The following CFDP1 variants were observed in gnomAD, a reference collection of about 807,000 sequenced individuals.
CFDP1 encodes heterochromatin-stabilizing protein CFDP1.
A neutral mutation model predicts 40.1 loss-of-function variants in CFDP1; 31 were observed. That is an observed-to-expected ratio of 0.77 (90% CI 0.58 to 1.04). CFDP1 has a LOEUF of 1.04. Ranked by LOEUF, CFDP1 falls within the 50% of genes least tolerant of loss-of-function variation. The probability of loss-of-function intolerance (pLI) is 0.00; values close to 1 mark genes in which losing one functional copy is unlikely to be tolerated. For missense variants in CFDP1, 423 were observed against 343.4 expected, an observed-to-expected ratio of 1.23 and a Z score of -1.83; for synonymous variants, 167 against 120.0, an observed-to-expected ratio of 1.39 and a Z score of -2.56.
At chr16:75,429,818 G>C (rs2079388446) in intron 1 of CFDP1, among the ~76,000 whole-genome samples, 1 of 152,196 alleles carries the variant, frequency 6.6e-6, no homozygotes, top group Admixed American at 6.5e-5. Context: ...CAAATTAGCA[G>C]TGTCGACGAA....
At chr16:75,318,475 G>A (rs1395559996) in intron 5 of CFDP1, among the ~76,000 whole-genome samples, 1 of 148,680 alleles carries the variant, frequency 6.7e-6, no homozygotes, top group Non-Finnish European at 1.5e-5. Flanking sequence ...GCACAGTCTC[G>A]GCTCACTGCA....
chr16:75,385,620 G>C (rs1459704904), intron 5 of CFDP1, among the ~76,000 whole-genome samples: 2 of 152,042 alleles, frequency 1.3e-5, no homozygotes, highest in African/African-American at 4.8e-5. Context: ...AATCTAATAA[G>C]GCAAAGAAAA....
intron 4 of CFDP1, among the ~76,000 whole-genome samples, chr16:75,404,822 A>G (rs765878753): frequency 1.3e-5 from 2 of 152,158 alleles, no homozygotes; most frequent in Non-Finnish European, 2.9e-5. Context: ...CAAAAGACCA[A>G]TTATGGTTTT....
At chr16:75,320,577 C>G (rs2078355787) in intron 5 of CFDP1, among the ~76,000 whole-genome samples, 1 of 152,216 alleles carries the variant, frequency 6.6e-6, no homozygotes, top group Admixed American at 6.5e-5. Flanking sequence ...GAGAGCAAGG[C>G]CTCTGACCCA....
intron 4 of CFDP1, among the ~76,000 whole-genome samples, chr16:75,395,494 A>G (rs1045553388): frequency 9.9e-5 from 15 of 151,868 alleles, no homozygotes; most frequent in African/African-American, 3.6e-4. Context: ...TCCCGTCTCT[A>G]TTAAAAATAT....
chr16:75,409,795 A>T (rs1029502482), intron 4 of CFDP1, among the ~76,000 whole-genome samples: 1 of 152,202 alleles, frequency 6.6e-6, no homozygotes, highest in Non-Finnish European at 1.5e-5. Flanking sequence ...ACCAGTGGTG[A>T]ATCTGGATCA....
intron 6 of CFDP1, among the ~76,000 whole-genome samples, chr16:75,303,407 G>A (rs1329926352): frequency 1.0e-4 from 15 of 147,974 alleles, no homozygotes; most frequent in African/African-American, 3.9e-4. Context: ...ATAAATGTAT[G>A]TATGTATGTA....
chr16:75,363,536 T>G (rs1225094182), intron 5 of CFDP1, among the ~76,000 whole-genome samples: 1 of 151,954 alleles, frequency 6.6e-6, no homozygotes, highest in Non-Finnish European at 1.5e-5. Flanking sequence ...GCTGGGATTA[T>G]AGGTGCCCGC....
At chr16:75,367,805 A>AC (rs1437772296) in intron 5 of CFDP1, among the ~76,000 whole-genome samples, 2 of 150,966 alleles carry the variant, frequency 1.3e-5, no homozygotes, top group East Asian at 1.9e-4. Context: ...AAAAAAAAAA[A>AC]AAAAAACTTA....
At chr16:75,390,553 G>C (rs183257134) in intron 5 of CFDP1, among the ~76,000 whole-genome samples, 4 of 152,288 alleles carry the variant, frequency 2.6e-5, no homozygotes, top group Admixed American at 2.0e-4. Flanking sequence ...TCGGAGTTGA[G>C]CACTCTCTCT....
At chr16:75,325,934 T>C (rs1263333971) in intron 5 of CFDP1, among the ~76,000 whole-genome samples, 1 of 152,234 alleles carries the variant, frequency 6.6e-6, no homozygotes, top group African/African-American at 2.4e-5. Flanking sequence ...TGTCCTAGGC[T>C]GGCTTAGGCA....
intron 5 of CFDP1, among the ~76,000 whole-genome samples, chr16:75,327,684 A>C (rs2078412624): frequency 6.6e-6 from 1 of 152,182 alleles, no homozygotes; most frequent in Non-Finnish European, 1.5e-5. Context: ...GCCATGGCTC[A>C]GTAGTGAACA....
intron 5 of CFDP1, among the ~76,000 whole-genome samples, chr16:75,366,132 T>C (rs953646831): frequency 6.6e-6 from 1 of 152,242 alleles, no homozygotes; most frequent in Non-Finnish European, 1.5e-5. Flanking sequence ...AACAACACAA[T>C]GTCCATCAAC....
intron 5 of CFDP1, among the ~76,000 whole-genome samples, chr16:75,315,135 G>C (rs1184921546): frequency 6.6e-6 from 1 of 152,010 alleles, no homozygotes; most frequent in Non-Finnish European, 1.5e-5. Flanking sequence ...CCAACCTAAA[G>C]AAAGGCTTCA....
intron 6 of CFDP1, among the ~76,000 whole-genome samples, chr16:75,297,825 C>T (rs2078194768): frequency 6.6e-6 from 1 of 152,174 alleles, no homozygotes; most frequent in South Asian, 2.1e-4. Context: ...ATTTATCTGC[C>T]ACCAATTTCC....
chr16:75,428,410 T>C (rs925363441), intron 1 of CFDP1, among the ~76,000 whole-genome samples: 4 of 151,926 alleles, frequency 2.6e-5, no homozygotes, highest in South Asian at 2.1e-4. Context: ...GGTCAGGAGA[T>C]CGAGACCATC....
chr16:75,342,064 C>T (rs545070394), intron 5 of CFDP1, among the ~76,000 whole-genome samples: 17 of 152,282 alleles, frequency 1.1e-4, no homozygotes, highest in Non-Finnish European at 1.9e-4. Context: ...TAAGGATGTA[C>T]CTCATCCCTG....
intron 1 of CFDP1, among the ~76,000 whole-genome samples, chr16:75,421,020 C>T (rs1597402779): frequency 6.6e-6 from 1 of 152,114 alleles, no homozygotes. Flanking sequence ...TAAAAAGATG[C>T]TTAATCTCAT....
intron 5 of CFDP1, among the ~76,000 whole-genome samples, chr16:75,331,542 T>C (rs532307659): frequency 7.9e-5 from 12 of 152,312 alleles, no homozygotes; most frequent in African/African-American, 2.9e-4. Context: ...CCCTTCCCAG[T>C]CAATTCCCCA....
Sources: gnomAD v4.1 joint callset for allele counts (sites outside exome capture counted in the v4.1 genomes callset) on GRCh38, gnomAD v4.1.1 for gene constraint, MANE v1.5 for transcripts, NCBI Gene and HGNC (gene_info 2026-07-23, HGNC 2026-07-21) for gene names.